Variants in PCDHGA5 observed in about 807,000 individuals in gnomAD.
The protein encoded by PCDHGA5 is protocadherin gamma-A5.
Under a neutral mutation model 56.7 loss-of-function variants are expected in PCDHGA5, and 36 were observed. The ratio of observed to expected loss-of-function variants is 0.64; its 90% CI spans 0.49 to 0.84. PCDHGA5 has a LOEUF of 0.84. Ranked by LOEUF, PCDHGA5 falls within the 40% of genes least tolerant of loss-of-function variation. The probability of loss-of-function intolerance (pLI) is 0.00; values close to 1 mark genes in which losing one functional copy is unlikely to be tolerated. For synonymous variants in PCDHGA5, 563 were observed against 520.2 expected (o/e 1.08, Z -1.12); for missense variants, 1,305 against 1,201.5 (o/e 1.09, Z -1.27).
At chr5:141,397,304 A>G (rs1206880219) in intron 1 of PCDHGA5, among the ~76,000 whole-genome samples, 2 of 152,202 alleles carry the variant, frequency 1.3e-5, no homozygotes, top group Non-Finnish European at 2.9e-5. Context: ...TATTTCCTGA[A>G]GTAGAAGAGT....
At chr5:141,371,506 C>G in intron 1 of PCDHGA5, 1 of 1,613,856 alleles carries the variant, frequency 6.2e-7, no homozygotes, top group Non-Finnish European at 8.5e-7. Flanking sequence ...CTGATCAAAA[C>G]ACATGATCTA....
intron 1 of PCDHGA5, chr5:141,375,104 A>G (rs762208267): frequency 6.2e-7 from 1 of 1,613,956 alleles, no homozygotes; most frequent in Non-Finnish European, 8.5e-7. Context: ...CTTGGATGTC[A>G]ATGATAATGT....
chr5:141,419,269 C>G (rs1456612499), intron 1 of PCDHGA5: 1 of 1,614,034 alleles, frequency 6.2e-7, no homozygotes, highest in Admixed American at 1.7e-5. Flanking sequence ...CGGGTGCCTC[C>G]ATAGCGCAAG....
chr5:141,499,275 C>T (rs1259707742), intron 2 of PCDHGA5, among the ~76,000 whole-genome samples: 1 of 152,178 alleles, frequency 6.6e-6, no homozygotes, highest in African/African-American at 2.4e-5. Flanking sequence ...CTAGACTGTT[C>T]TCTGATGGCT....
At chr5:141,381,022 G>T (rs1326220507) in intron 1 of PCDHGA5, among the ~76,000 whole-genome samples, 2 of 152,148 alleles carry the variant, frequency 1.3e-5, no homozygotes, top group African/African-American at 4.8e-5. Flanking sequence ...ACCTCTATTA[G>T]TTCCTTTAAA....
intron 1 of PCDHGA5, chr5:141,409,553 G>T: frequency 6.2e-7 from 1 of 1,613,972 alleles, no homozygotes; most frequent in Non-Finnish European, 8.5e-7. Context: ...CAACGCCCCA[G>T]TTTTCGACCA....
intron 1 of PCDHGA5, chr5:141,398,829 C>T (rs1020690994): frequency 3.1e-6 from 5 of 1,613,876 alleles, no homozygotes; most frequent in African/African-American, 2.7e-5. Context: ...AGGTAACCGA[C>T]GCCAATGATA....
Position 141,371,530 on chromosome 5 carries a change from A to G in PCDHGA5, c.2421+4779A>G, listed in dbSNP as rs769779786. ...ACACATGATCTAGATTCTGGATTTAATGGAGAAATCCTATGCCAACTAAAA... is the reference window on the plus strand; with the variant it reads ...ACACATGATCTAGATTCTGGATTTAGTGGAGAAATCCTATGCCAACTAAAA... On this transcript the variant is annotated intron_variant, in intron 1 of 3. Transcript: ENST00000518069. The G allele has an allele frequency of 1.9e-6, 3 of 1,613,804 alleles. No individual in the cohort carries two copies. The Middle Eastern group carries it at 4.9e-4, about 266-fold the overall frequency.
Position 141,398,041 on chromosome 5 carries a change from G to T in PCDHGA5, c.2421+31290G>T, listed in dbSNP as rs114009258. On this transcript the variant is annotated intron_variant, in intron 1 of 3. Coordinates refer to ENST00000518069, the MANE Select transcript of PCDHGA5 (RefSeq NM_018918.3). ...TAAACTGGAACTGGAACTAAAGCCC[G>T]TTCGGAGATCCAAAAATCTACAATA... 1,416 of 1,492,890 alleles carry T rather than the reference G, an allele frequency of 9.5e-4. 9 individuals are homozygous for T. The African/African-American group carries it at 0.016, about 16-fold the overall frequency. 92.5% of individuals were successfully genotyped at this position (1,492,890 alleles called of 1,614,324 possible).
intron 1 of PCDHGA5, chr5:141,403,947 A>C (rs1451597441): frequency 6.2e-7 from 1 of 1,613,886 alleles, no homozygotes; most frequent in Admixed American, 1.7e-5. Flanking sequence ...GGGTGGACAA[A>C]AGTGCTCATT....
intron 1 of PCDHGA5, chr5:141,393,683 G>A (rs370409157): frequency 9.9e-6 from 16 of 1,613,730 alleles, no homozygotes; most frequent in South Asian, 8.8e-5. Context: ...AACAAACTCC[G>A]TTATTCCAGC....
At chr5:141,419,694 G>A in intron 1 of PCDHGA5, 1 of 1,612,974 alleles carries the variant, frequency 6.2e-7, no homozygotes, top group Non-Finnish European at 8.5e-7. Context: ...GTGCAGGCCA[G>A]TGAGCCCGGG....
intron 1 of PCDHGA5, chr5:141,370,692 T>G: frequency 6.2e-7 from 1 of 1,613,730 alleles, no homozygotes; most frequent in Non-Finnish European, 8.5e-7. Context: ...TGGCAAGAAG[T>G]CGACGTGTGT....
At chr5:141,371,741 T>TC (rs1767992847) in intron 1 of PCDHGA5, 2 of 1,614,004 alleles carry the variant, frequency 1.2e-6, no homozygotes, top group South Asian at 2.2e-5. Context: ...ACGACAACGT[T>TC]CCCGTTTTCC....
At chr5:141,418,305 G>T in intron 1 of PCDHGA5, 1 of 1,614,026 alleles carries the variant, frequency 6.2e-7, no homozygotes, top group South Asian at 1.1e-5. Context: ...GTCAGCCTGG[G>T]GATGGGAACA....
In PCDHGA5 at chr5:141,365,109, G is replaced by T; in HGVS notation, c.779G>T (p.Arg260Leu). Residue 260 changes from arginine (R) to leucine (L), a missense_variant, in exon 1 of 4, where the codon CGG (arginine) becomes CTG (leucine). Arg to Leu is a moderately radical substitution (Grantham distance 102). Transcript: ENST00000518069. ...CCAGAGAACATACCTGTGGGCACTC[G>T]GCTGCTCATGCTAACCGCCACGGAT... ...SVPENIPVGT[R>L]LLMLTATDPD... 6.2e-7 allele frequency: 1 copy of T among 1,613,846 alleles called. No homozygotes were observed. The highest frequency in any genetic ancestry group is 1.3e-5 in the African/African-American group (1 of 75,062).
rs528991261 is a variant in PCDHGA5 at position 141,365,656 on chromosome 5, AGCAGAC to A, written c.1328_1333del (p.Ala443_Asp444del). 6.2e-7 allele frequency: 1 copy of A among 1,613,518 alleles called. No individual in the cohort carries two copies. Among genetic ancestry groups the A allele is most frequent in the Non-Finnish European group, 8.5e-7 (1 of 1,179,812 alleles). On this transcript the variant is annotated inframe_deletion, in exon 1 of 4. Transcript: ENST00000518069. ...CAGAAAGCCACATCCCCTTGAAAGT[AGCAGAC>A]GTTAATGACAACCCACCCAATTTCC...
intron 1 of PCDHGA5, among the ~76,000 whole-genome samples, chr5:141,488,655 G>C (rs1438020338): frequency 6.6e-6 from 1 of 152,164 alleles, no homozygotes. Flanking sequence ...GATGGGGGAG[G>C]GTGGGGGAAT....
chr5:141,379,118 C>G (rs180933858), intron 1 of PCDHGA5: 2 of 152,296 alleles, frequency 1.3e-5, no homozygotes, highest in Admixed American at 1.3e-4. Flanking sequence ...GAGAAGATAC[C>G]TTGAAAATAA....
Sources: allele counts gnomAD v4.1 joint callset (sites outside exome capture counted in the v4.1 genomes callset), GRCh38; gene constraint gnomAD v4.1.1; transcripts MANE v1.5; gene names NCBI Gene and HGNC (gene_info 2026-07-23, HGNC 2026-07-21).